Variants in GALNT18 observed in about 807,000 individuals in gnomAD.
The protein encoded by GALNT18 is polypeptide N-acetylgalactosaminyltransferase 18.
In GALNT18, 44 loss-of-function variants were observed where a neutral mutation model predicts 69.5. That is an observed-to-expected ratio of 0.63 (90% CI 0.50 to 0.81). GALNT18 has a LOEUF of 0.81. GALNT18 is among the 40% of genes least tolerant of loss of function. The probability of loss-of-function intolerance (pLI) is 0.00; values close to 1 mark genes in which losing one functional copy is unlikely to be tolerated. For synonymous variants in GALNT18, 364 were observed against 318.2 expected (o/e 1.14, Z -1.53); for missense variants, 715 against 810.0 (o/e 0.88, Z 1.42).
In GALNT18 at chr11:11,396,354, G is replaced by C. The variant is rs1267864780; in HGVS notation, c.596-17090C>G. Among the ~76,000 whole-genome samples, 1 of 152,142 alleles carries C rather than the reference G, an allele frequency of 6.6e-6. No homozygotes were observed. Among genetic ancestry groups the C allele is most frequent in the Admixed American group, 6.5e-5 (1 of 15,274 alleles). Reference sequence around the variant, plus strand: ...AGGTGAGGAAGAGAGAGTTTGCTTAGAGATTAAATGATGTCATCAGCAGTG... The same window carrying C: ...AGGTGAGGAAGAGAGAGTTTGCTTACAGATTAAATGATGTCATCAGCAGTG... On this transcript the variant is annotated intron_variant, in intron 3 of 10. Coordinates refer to ENST00000227756, the MANE Select transcript of GALNT18 (RefSeq NM_198516.3). This position sits in a 1 kb window ranked among gnomAD's most constrained non-coding sequence, Gnocchi z 5.2.
intron 1 of GALNT18, among the ~76,000 whole-genome samples, chr11:11,575,387 C>G (rs569501331): frequency 2.3e-4 from 35 of 152,320 alleles, no homozygotes; most frequent in Non-Finnish European, 4.3e-4. Context: ...TGTAGGCCCA[C>G]TAAAGCTTTT....
intron 1 of GALNT18, among the ~76,000 whole-genome samples, chr11:11,571,189 C>T (rs968309682): frequency 6.6e-6 from 1 of 152,178 alleles, no homozygotes; most frequent in African/African-American, 2.4e-5. Flanking sequence ...AGCAGTTTAT[C>T]CAACAGCTCC....
chr11:11,319,276 A>C (rs769268043), intron 9 of GALNT18, among the ~76,000 whole-genome samples: 8 of 152,212 alleles, frequency 5.3e-5, no homozygotes, highest in Non-Finnish European at 1.0e-4. Context: ...TGAAGCTCAA[A>C]TGTTGCCCCA....
At chr11:11,451,489 T>C (rs528248921) in intron 1 of GALNT18, among the ~76,000 whole-genome samples, 1 of 152,320 alleles carries the variant, frequency 6.6e-6, no homozygotes, top group East Asian at 1.9e-4. Context: ...TCACTCAGTA[T>C]GGGCACGAAG....
rs529606700 is a variant in GALNT18 at position 11,341,240 on chromosome 11, A to G, written c.1093-236T>C. Among the ~76,000 whole-genome samples, 72 of 152,346 alleles carry G rather than the reference A, an allele frequency of 4.7e-4. No homozygotes were observed. Among genetic ancestry groups the G allele is most frequent in the African/African-American group, 1.5e-3 (62 of 41,568 alleles). On this transcript the variant is annotated intron_variant, in intron 6 of 10. Transcript: ENST00000227756. The surrounding 1 kb of genome is among the most constrained non-coding windows in gnomAD (Gnocchi z 6.3). ...TATTGCTGTGGATTTACCAACAAAA[A>G]AAATGAATGCACTTTTTCCCTCCAC...
At chr11:11,553,685 C>CG (rs1181021731) in intron 1 of GALNT18, among the ~76,000 whole-genome samples, 1 of 152,052 alleles carries the variant, frequency 6.6e-6, no homozygotes, top group Non-Finnish European at 1.5e-5. Context: ...CAAGCTCCCC[C>CG]CCAGCACCCC....
chr11:11,303,437 A>G (rs1464274040), intron 9 of GALNT18, among the ~76,000 whole-genome samples: 1 of 152,116 alleles, frequency 6.6e-6, no homozygotes, highest in Non-Finnish European at 1.5e-5. Flanking sequence ...CAGATACATT[A>G]CTTGTCACAA....
rs894505097 is a variant in GALNT18 at position 11,606,733 on chromosome 11, G to A, written c.235+14626C>T. ...AAACAAGTAAGGATTTTCCTTCCTG[G>A]TGCACACGTTTCTCCTGAAGTTGAG... is the stretch of plus-strand genomic sequence containing the variant. On this transcript the variant is annotated intron_variant, in intron 1 of 10. Coordinates refer to ENST00000227756, the MANE Select transcript of GALNT18 (RefSeq NM_198516.3). This position sits in a 1 kb window ranked among gnomAD's most constrained non-coding sequence, Gnocchi z 5.4. Among the ~76,000 whole-genome samples the A allele has an allele frequency of 7.9e-5, 12 of 152,156 alleles. No individual in the cohort carries two copies. The highest frequency in any genetic ancestry group is 1.5e-5 in the Non-Finnish European group (1 of 68,038).
At chr11:11,307,405 A>G (rs1849597042) in intron 9 of GALNT18, among the ~76,000 whole-genome samples, 1 of 152,200 alleles carries the variant, frequency 6.6e-6, no homozygotes, top group Non-Finnish European at 1.5e-5. Flanking sequence ...TAAATGCTTT[A>G]TACATACTTA....
chr11:11,331,465 A>G (rs148976981), intron 8 of GALNT18, among the ~76,000 whole-genome samples: 59 of 152,268 alleles, frequency 3.9e-4, no homozygotes, highest in Middle Eastern at 3.4e-3. Context: ...ACTGAGCCCA[A>G]TTTCTCAGCA....
Position 11,332,867 on chromosome 11 carries a change from C to T in GALNT18, c.1279-36G>A. ...ACGCAGAAGCAGAGATGAAGCCACT[C>T]CCAGGTTGCAGCTTCTCCCCAAACT... On this transcript the variant is annotated intron_variant, in intron 7 of 10. Transcript: ENST00000227756. The surrounding 1 kb of genome is among the most constrained non-coding windows in gnomAD (Gnocchi z 4.3). 6.2e-7 allele frequency: 1 copy of T among 1,605,296 alleles called. No homozygotes were observed. The highest frequency in any genetic ancestry group is 8.5e-7 in the Non-Finnish European group (1 of 1,177,956).
intron 1 of GALNT18, among the ~76,000 whole-genome samples, chr11:11,615,312 A>G (rs140860995): frequency 3.3e-5 from 5 of 152,356 alleles, no homozygotes; most frequent in Non-Finnish European, 7.3e-5. Context: ...ATTTGTAGTC[A>G]TGGCGAACAA....
intron 1 of GALNT18, among the ~76,000 whole-genome samples, chr11:11,594,834 TATATATACACATATACATAC>T (rs1245161609): frequency 0.027 from 924 of 34,674 alleles, 15 homozygotes; most frequent in African/African-American, 0.052. Flanking sequence ...TATATATATA[TATATATACACATATACATAC>T]ATACACACAC....
intron 3 of GALNT18, among the ~76,000 whole-genome samples, chr11:11,392,924 T>C (rs926572112): frequency 3.9e-5 from 6 of 152,218 alleles, no homozygotes; most frequent in Admixed American, 3.3e-4. Flanking sequence ...CCAGGGATCA[T>C]GGGGCAGGTC....
intron 10 of GALNT18, among the ~76,000 whole-genome samples, chr11:11,278,219 T>C (rs1479857044): frequency 2.1e-4 from 32 of 151,532 alleles, no homozygotes; most frequent in Non-Finnish European, 3.4e-4. Context: ...GTGGGAGACT[T>C]TAACACCCCA....
chr11:11,302,744 C>T (rs1849519298), intron 9 of GALNT18, among the ~76,000 whole-genome samples: 1 of 152,194 alleles, frequency 6.6e-6, no homozygotes, highest in African/African-American at 2.4e-5. Flanking sequence ...AGCAAAGAGC[C>T]GCAAAGGGCA....
chr11:11,351,678 A>T (rs1437862849), intron 6 of GALNT18, among the ~76,000 whole-genome samples: 2 of 152,016 alleles, frequency 1.3e-5, no homozygotes, highest in Non-Finnish European at 2.9e-5. Flanking sequence ...TTGAAATAGG[A>T]TCTCTGGCCC....
intron 9 of GALNT18, among the ~76,000 whole-genome samples, chr11:11,308,587 G>C (rs1849617667): frequency 6.6e-6 from 1 of 152,102 alleles, no homozygotes; most frequent in Admixed American, 6.5e-5. Context: ...CTATTCATGT[G>C]TTTTTGAATC....
chr11:11,346,717 G>A (rs1850310224), intron 6 of GALNT18, among the ~76,000 whole-genome samples: 1 of 152,068 alleles, frequency 6.6e-6, no homozygotes, highest in Admixed American at 6.5e-5. Context: ...ACCCTAAAGT[G>A]GATTGTAGAG....
Sources: allele counts gnomAD v4.1 joint callset (sites outside exome capture counted in the v4.1 genomes callset), GRCh38; gene constraint gnomAD v4.1.1; non-coding constraint Gnocchi (gnomAD v3.1); transcripts MANE v1.5; gene names NCBI Gene and HGNC (gene_info 2026-07-23, HGNC 2026-07-21).